SERINC2: variants seen among roughly 807,000 people sequenced by gnomAD.
SERINC2 encodes the protein tumor differentially expressed protein 2.
In SERINC2, 56 loss-of-function variants were observed where a neutral mutation model predicts 54.2. The ratio of observed to expected loss-of-function variants is 1.03; its 90% CI spans 0.83 to 1.29. SERINC2 has a LOEUF of 1.29. Ranked by LOEUF, SERINC2 falls within the 50% of genes most tolerant of loss-of-function variation. SERINC2 has a pLI of 0.00. For missense variants in SERINC2, 614 were observed against 607.4 expected, an observed-to-expected ratio of 1.01 and a Z score of -0.12; for synonymous variants, 272 against 253.1, an observed-to-expected ratio of 1.07 and a Z score of -0.71.
At chr1:31,413,052 C>G, upstream of SERINC2, 1 of 738,890 alleles carries the variant, frequency 1.4e-6, no homozygotes, top group Non-Finnish European at 1.7e-6. This position sits in a 1 kb window ranked among gnomAD's most constrained non-coding sequence, Gnocchi z 5.0. Flanking sequence ...GCGGGAATCC[C>G]CGACCGGCCC....
chr1:31,426,561 G>T, intron 5 of SERINC2, 93 bp from the exon 6 acceptor site: 1 of 1,010,134 alleles, frequency 9.9e-7, no homozygotes, highest in Non-Finnish European at 1.5e-6. Context: ...CTGGAGAGGG[G>T]GAGAGCTGCC....
At chr1:31,422,554 C>T (rs1256902063) in intron 1 of SERINC2, among the ~76,000 whole-genome samples, 1 of 152,090 alleles carries the variant, frequency 6.6e-6, no homozygotes, top group African/African-American at 2.4e-5. Flanking sequence ...ACTTTTCTGG[C>T]AGTGGGTACG....
At chr1:31,412,542 A>G (rs1456217395), upstream of SERINC2, among the ~76,000 whole-genome samples, 1 of 152,090 alleles carries the variant, frequency 6.6e-6, no homozygotes, top group Admixed American at 6.6e-5. Flanking sequence ...GGTGGCATGC[A>G]CCTGTAGTCC....
intron 4 of SERINC2, 152 bp from the exon 5 acceptor site, chr1:31,425,624 A>G (rs1461867930): frequency 3.5e-5 from 37 of 1,058,786 alleles, no homozygotes; most frequent in Non-Finnish European, 5.2e-5. Context: ...CCCGACCCAT[A>G]TCCTGCCCTC....
chr1:31,431,787 T>TAGGATGGTTAGGGTGGAG (rs1557499755), intron 8 of SERINC2, among the ~76,000 whole-genome samples: 1 of 11,988 alleles, frequency 8.3e-5, no homozygotes. Flanking sequence ...ATAGGGTGGA[T>TAGGATGGTTAGGGTGGAG]AGGGTGGATA....
rs372801033 is a variant in SERINC2, at chr1:31,434,513, C to T, written c.*314C>T. 6.5e-5 allele frequency: 24 copies of T among 368,642 alleles called. No individual in the cohort carries two copies. The highest frequency in any genetic ancestry group is 6.5e-4 in the South Asian group (15 of 23,218). The allele number at this position is 368,642 out of a possible 1,614,324, so 22.8% of individuals were successfully genotyped here. A position where few individuals can be genotyped will look rare whatever the true frequency, so the allele number is the denominator to read the frequency against. On this transcript the variant is annotated 3_prime_UTR_variant, in exon 10 of 10. Coordinates refer to ENST00000373709, the MANE Select transcript of SERINC2 (RefSeq NM_178865.5). ...CCCTTGTCCTCAGGCTCCACGGGAG[C>T]GGGGCTGCTGGAGAGAGCGGGGAAC...
intron 8 of SERINC2, among the ~76,000 whole-genome samples, chr1:31,431,042 A>G (rs183178242): frequency 3.1e-4 from 47 of 151,830 alleles, no homozygotes; most frequent in African/African-American, 1.0e-3. Flanking sequence ...TCTTTGTCAC[A>G]TTTGATTCCT....
chr1:31,422,372 C>T (rs1553132856), intron 1 of SERINC2, among the ~76,000 whole-genome samples: 1 of 152,016 alleles, frequency 6.6e-6, no homozygotes, highest in Non-Finnish European at 1.5e-5. Flanking sequence ...GCTATGCTGC[C>T]CAGGCTATTC....
upstream of SERINC2, chr1:31,413,206 G>A (rs1377266831): frequency 1.2e-5 from 13 of 1,072,606 alleles, no homozygotes; most frequent in African/African-American, 3.4e-5. This position sits in a 1 kb window ranked among gnomAD's most constrained non-coding sequence, Gnocchi z 5.0. Flanking sequence ...CCCGGCACCC[G>A]GATCCCGAGG....
At chr1:31,425,546 T>A in intron 4 of SERINC2, 137 bp downstream of exon 4, 1 of 886,836 alleles carries the variant, frequency 1.1e-6, no homozygotes, top group Non-Finnish European at 1.9e-6. Context: ...TCCCCACCCG[T>A]GAGACAGCAC....
rs1557500617 is a variant in SERINC2 at position 31,432,019 on chromosome 1, GAC to G, written c.1014-946_1014-945del. Among the ~76,000 whole-genome samples the G allele has an allele frequency of 2.9e-4, 36 of 124,990 alleles. 2 individuals carry two copies. Among genetic ancestry groups the G allele is most frequent in the South Asian group, 1.4e-3 (5 of 3,538 alleles). The allele number at this position is 124,990 out of a possible 152,430, so 82.0% of individuals were successfully genotyped here. On this transcript the variant is annotated intron_variant, in intron 8 of 9. Coordinates refer to ENST00000373709, the MANE Select transcript of SERINC2 (RefSeq NM_178865.5). Reference sequence around the variant, plus strand: ...TAGGGTGGATAGGGTGGATAGGGTGGACAGGGTGGACAGGGTGGACAGGGTGG... The same window carrying G: ...TAGGGTGGATAGGGTGGATAGGGTGGAGGGTGGACAGGGTGGACAGGGTGG...
chr1:31,419,969 A>G (rs973985179), intron 1 of SERINC2, among the ~76,000 whole-genome samples: 1 of 152,128 alleles, frequency 6.6e-6, no homozygotes, highest in Non-Finnish European at 1.5e-5. Context: ...AGATGGTACC[A>G]CTGCACTCTA....
chr1:31,413,262 C>A lies in SERINC2; in HGVS notation c.-4C>A, dbSNP rs1553131702. ...CCGGGCGCCCGAAGCCGGGAGCCGC[C>A]GCCATGGGGGCCTGCCTGGGAGCCT... On this transcript the variant is annotated 5_prime_UTR_variant, in exon 1 of 10. Coordinates refer to ENST00000373709, the MANE Select transcript of SERINC2 (RefSeq NM_178865.5). The surrounding 1 kb of genome is among the most constrained non-coding windows in gnomAD (Gnocchi z 5.0). The A allele has an allele frequency of 8.1e-6, 10 of 1,230,654 alleles. No individual in the cohort carries two copies. In the East Asian group the frequency reaches 2.0e-4, roughly 25 times the overall value. The allele number at this position is 1,230,654 out of a possible 1,614,324, so 76.2% of individuals were successfully genotyped here.
At chr1:31,421,064 A>G (rs1439658921) in intron 1 of SERINC2, among the ~76,000 whole-genome samples, 1 of 152,224 alleles carries the variant, frequency 6.6e-6, no homozygotes, top group Non-Finnish European at 1.5e-5. Flanking sequence ...ACACAGCAGG[A>G]CGTGAACAGC....
chr1:31,432,987 G>C lies in SERINC2; in HGVS notation c.1034G>C (p.Arg345Pro), dbSNP rs146836894. 8.1e-6 allele frequency: 13 copies of C among 1,611,706 alleles called. No homozygotes were observed. In the South Asian group the frequency reaches 1.4e-4, roughly 18 times the overall value. Residue 345 changes from arginine to proline, a missense_variant, in exon 9 of 10, where the codon CGG becomes CCG. Transcript: ENST00000373709. Reference protein sequence around the residue: ...LFISLRSSDHRQVNSLMQTEE... With the variant: ...LFISLRSSDHPQVNSLMQTEE... Reference sequence around the variant, plus strand: ...TGCAGTCTGCGCTCCTCAGACCACCGGCAGGTGAACAGCCTGATGCAGACC... The same window carrying C: ...TGCAGTCTGCGCTCCTCAGACCACCCGCAGGTGAACAGCCTGATGCAGACC...
chr1:31,426,035 T>A, intron 5 of SERINC2, 122 bp downstream of exon 5: 2 of 1,043,324 alleles, frequency 1.9e-6, no homozygotes. Context: ...AGCCACTGCC[T>A]TAGGTCAAGA....
intron 6 of SERINC2, among the ~76,000 whole-genome samples, chr1:31,427,449 A>T (rs1641076466): frequency 6.6e-6 from 1 of 151,770 alleles, no homozygotes; most frequent in Non-Finnish European, 1.5e-5. Context: ...AAGGCTGGGA[A>T]CCTCCCTTCT....
At chr1:31,428,881 G>T in intron 6 of SERINC2, 97 bp from the exon 7 acceptor site, 1 of 947,450 alleles carries the variant, frequency 1.1e-6, no homozygotes, top group South Asian at 1.4e-5. Context: ...TCCTAGGTGG[G>T]TGGGAGTTTC....
Position 31,420,293 on chromosome 1 carries a change from G to A in SERINC2, c.40-3400G>A, listed in dbSNP as rs555569375. Among the ~76,000 whole-genome samples, 4 of 152,230 alleles carry A rather than the reference G, an allele frequency of 2.6e-5. No homozygotes were observed. The South Asian group carries it at 8.3e-4, about 32-fold the overall frequency. On this transcript the variant is annotated intron_variant, in intron 1 of 9. Coordinates refer to ENST00000373709, the MANE Select transcript of SERINC2 (RefSeq NM_178865.5). ...CCTGGTCTCTCTGGCTGCTGATCAGGCCCTTGGAAATCCTGAGATTTCAGG... is the reference window on the plus strand; with the variant it reads ...CCTGGTCTCTCTGGCTGCTGATCAGACCCTTGGAAATCCTGAGATTTCAGG...
Sources: allele counts gnomAD v4.1 joint callset (sites outside exome capture counted in the v4.1 genomes callset), GRCh38; gene constraint gnomAD v4.1.1; non-coding constraint Gnocchi (gnomAD v3.1); transcripts MANE v1.5; gene names NCBI Gene and HGNC (gene_info 2026-07-23, HGNC 2026-07-21).